The following ZDHHC3 variants were observed in gnomAD, a reference collection of about 807,000 sequenced individuals.
ZDHHC3 encodes the protein zDHHC palmitoyltransferase 3.
A neutral mutation model predicts 30.6 loss-of-function variants in ZDHHC3; 9 were observed. The ratio of observed to expected loss-of-function variants is 0.29; its 90% confidence interval spans 0.18 to 0.51. The LOEUF is 0.51. ZDHHC3 is among the 20% of genes least tolerant of loss of function. The probability of loss-of-function intolerance (pLI) is 0.97; values close to 1 mark genes in which losing one functional copy is unlikely to be tolerated. For synonymous variants in ZDHHC3, 136 were observed against 140.2 expected, an observed-to-expected ratio of 0.97 and a Z score of 0.21; for missense variants, 246 against 384.2, an observed-to-expected ratio of 0.64 and a Z score of 3.01.
chr3:44,935,970 A>G (rs1701927994), intron 3 of ZDHHC3, among the ~76,000 whole-genome samples: 3 of 152,256 alleles, frequency 2.0e-5, no homozygotes, highest in Admixed American at 2.0e-4. Flanking sequence ...CATGACAAAG[A>G]TACCAAAAGC....
At chr3:44,964,402 G>A (rs1023635141) in intron 1 of ZDHHC3, among the ~76,000 whole-genome samples, 19 of 152,194 alleles carry the variant, frequency 1.2e-4, no homozygotes, top group Non-Finnish European at 5.9e-5. Context: ...GTACTAGTGG[G>A]GAAGAGGAGG....
At chr3:44,937,649 C>G (rs1199418366) in intron 3 of ZDHHC3, 2 of 143,178 alleles carry the variant, frequency 1.4e-5, no homozygotes, top group African/African-American at 5.3e-5. Context: ...AATCTGGGTT[C>G]ATCCAACACC....
chr3:44,918,993 C>T lies in ZDHHC3; in HGVS notation c.*7696G>A. The T allele has an allele frequency of 6.1e-6, 6 of 985,536 alleles. No homozygotes were observed. Among genetic ancestry groups the T allele is most frequent in the Non-Finnish European group, 7.2e-6 (6 of 830,008 alleles). The allele number at this position is 985,536 out of a possible 1,614,324, so 61.0% of individuals were successfully genotyped here. On this transcript the variant is annotated 3_prime_UTR_variant, in exon 7 of 7. Transcript: ENST00000424952. ...GCCAAGGGAATTTGCTGTGGGTTTG[C>T]TGGGCTTGGGCACTGCTCCTTCACA...
intron 6 of ZDHHC3, among the ~76,000 whole-genome samples, chr3:44,929,098 G>A (rs917234226): frequency 1.2e-4 from 19 of 152,226 alleles, no homozygotes; most frequent in African/African-American, 4.3e-4. Context: ...CACTCCTGGT[G>A]TGATCTGCTA....
At position 44,918,829 on chromosome 3, in the gene ZDHHC3, C is replaced by A; in HGVS notation, c.*7860G>T. 1 of 987,620 alleles carries A rather than the reference C, an allele frequency of 1.0e-6. No homozygotes were observed. Among genetic ancestry groups the A allele is most frequent in the Non-Finnish European group, 1.2e-6 (1 of 831,470 alleles). The allele number at this position is 987,620 out of a possible 1,614,324, so 61.2% of individuals were successfully genotyped here. A position where few individuals can be genotyped will look rare whatever the true frequency, so the allele number is the denominator to read the frequency against. On this transcript the variant is annotated 3_prime_UTR_variant, in exon 7 of 7. Coordinates refer to ENST00000424952, the MANE Select transcript of ZDHHC3 (RefSeq NM_001135179.2). The stretch of plus-strand genomic sequence containing the variant: ...TGTCGGCTGCAACTCAGCCACCAGG[C>A]CACAGAAAGGGTGTTGGGGTGGGGA...
chr3:44,952,040 A>T (rs1703501729), intron 2 of ZDHHC3, among the ~76,000 whole-genome samples: 1 of 152,138 alleles, frequency 6.6e-6, no homozygotes. Flanking sequence ...TAATGCTCCA[A>T]TCACAAGCTC....
rs1383126769 is a variant in ZDHHC3, at chr3:44,919,280, G to A, written c.*7409C>T. ...ATCAACACCATATGCCTCCTGATAC[G>A]GTGCAACGAGGACACATTGCTTCAG... On this transcript the variant is annotated 3_prime_UTR_variant, in exon 7 of 7. Coordinates refer to ENST00000424952, the MANE Select transcript of ZDHHC3 (RefSeq NM_001135179.2). 5 of 213,122 alleles carry A rather than the reference G, an allele frequency of 2.3e-5. No homozygotes were observed. Among genetic ancestry groups the A allele is most frequent in the Non-Finnish European group, 4.0e-5 (5 of 124,424 alleles). 13.2% of individuals were successfully genotyped at this position (213,122 alleles called of 1,614,324 possible).
At chr3:44,945,372 G>C (rs1385215868) in intron 2 of ZDHHC3, 80 bp from the exon 3 acceptor site, 2 of 1,585,946 alleles carry the variant, frequency 1.3e-6, no homozygotes. Context: ...ATAGTTATTT[G>C]AAAGCAGCAA....
rs530818029 is a variant in ZDHHC3, at chr3:44,922,402, T to C, written c.*4287A>G. ...CCCTTGGTCTAGAGATGGGTTCCAC[T>C]GATGAGATGCACAAGGAGTGGTGGG... On this transcript the variant is annotated 3_prime_UTR_variant, in exon 7 of 7. Transcript: ENST00000424952. The C allele has an allele frequency of 1.0e-6, 1 of 985,428 alleles. No individual in the cohort carries two copies. The highest frequency in any genetic ancestry group is 1.2e-6 in the Non-Finnish European group (1 of 829,924). 61.0% of individuals were successfully genotyped at this position (985,428 alleles called of 1,614,324 possible).
At chr3:44,971,376 T>G (rs1705388798) in intron 1 of ZDHHC3, among the ~76,000 whole-genome samples, 2 of 152,270 alleles carry the variant, frequency 1.3e-5, no homozygotes, top group African/African-American at 2.4e-5. Flanking sequence ...AAGTGGGACA[T>G]GCACCTGGAG....
intron 1 of ZDHHC3, among the ~76,000 whole-genome samples, chr3:44,960,955 C>T (rs192745012): frequency 3.2e-4 from 49 of 152,314 alleles, no homozygotes; most frequent in Admixed American, 5.2e-4. Context: ...AAGGACAGGG[C>T]CACTCCTCCC....
At position 44,923,591 on chromosome 3, in the gene ZDHHC3, C is replaced by A; in HGVS notation, c.*3098G>T. 1.0e-6 allele frequency: 1 copy of A among 971,690 alleles called. No homozygotes were observed. 60.2% of individuals were successfully genotyped at this position (971,690 alleles called of 1,614,324 possible). ...CTAAGGCAGGAAAATTGCTGGAGGC[C>A]GGGCATTTGAGACTAGCTAGGGCAA... On this transcript the variant is annotated 3_prime_UTR_variant, in exon 7 of 7. Coordinates refer to ENST00000424952, the MANE Select transcript of ZDHHC3 (RefSeq NM_001135179.2).
In ZDHHC3 at chr3:44,918,422, T is replaced by G; in HGVS notation, c.*8267A>C. 1 of 985,288 alleles carries G rather than the reference T, an allele frequency of 1.0e-6. No homozygotes were observed. Among genetic ancestry groups the G allele is most frequent in the Non-Finnish European group, 1.2e-6 (1 of 829,900 alleles). 61.0% of individuals were successfully genotyped at this position (985,288 alleles called of 1,614,324 possible). On this transcript the variant is annotated 3_prime_UTR_variant, in exon 7 of 7. Coordinates refer to ENST00000424952, the MANE Select transcript of ZDHHC3 (RefSeq NM_001135179.2). ...GTGTTCTCCACCCACCACCCAGCCC[T>G]CCCCTTCTTTCCTTCCACAAGTGCA...
In ZDHHC3 at chr3:44,921,122, T is replaced by G; in HGVS notation, c.*5567A>C. 1 of 985,416 alleles carries G rather than the reference T, an allele frequency of 1.0e-6. No homozygotes were observed. Among genetic ancestry groups the G allele is most frequent in the Non-Finnish European group, 1.2e-6 (1 of 829,928 alleles). The allele number at this position is 985,416 out of a possible 1,614,324, so 61.0% of individuals were successfully genotyped here. A position where few individuals can be genotyped will look rare whatever the true frequency, so the allele number is the denominator to read the frequency against. ...CGACACCAGAAGCTCTTGCAGGGTG[T>G]GTGATGGGCCTTTTGGCCCAGGTCA... On this transcript the variant is annotated 3_prime_UTR_variant, in exon 7 of 7. Coordinates refer to ENST00000424952, the MANE Select transcript of ZDHHC3 (RefSeq NM_001135179.2).
At chr3:44,958,322 G>A (rs1704135212) in intron 2 of ZDHHC3, among the ~76,000 whole-genome samples, 1 of 152,146 alleles carries the variant, frequency 6.6e-6, no homozygotes, top group African/African-American at 2.4e-5. Flanking sequence ...TTTCCCTGGG[G>A]CTCACAGAAA....
Position 44,925,667 on chromosome 3 carries a change from C to A in ZDHHC3, c.*1022G>T. 1.0e-6 allele frequency: 1 copy of A among 985,400 alleles called. No homozygotes were observed. Among genetic ancestry groups the A allele is most frequent in the Non-Finnish European group, 1.2e-6 (1 of 829,934 alleles). The allele number at this position is 985,400 out of a possible 1,614,324, so 61.0% of individuals were successfully genotyped here. A position where few individuals can be genotyped will look rare whatever the true frequency, so the allele number is the denominator to read the frequency against. ...CATCTCCATGCCAGGACAACAGTCT[C>A]CCAGGTTAAAATATAGATAAGACAC... On this transcript the variant is annotated 3_prime_UTR_variant, in exon 7 of 7. Coordinates refer to ENST00000424952, the MANE Select transcript of ZDHHC3 (RefSeq NM_001135179.2).
intron 2 of ZDHHC3, chr3:44,958,753 A>G (rs2125907394): frequency 2.3e-6 from 3 of 1,308,854 alleles, no homozygotes; most frequent in East Asian, 5.0e-5. Context: ...GGGAAGCCCA[A>G]TCCTGACCCA....
chr3:44,944,308 G>A (rs924673893), intron 3 of ZDHHC3, among the ~76,000 whole-genome samples: 4 of 152,068 alleles, frequency 2.6e-5, no homozygotes, highest in African/African-American at 4.8e-5. Context: ...CACCACGCCC[G>A]GCTAATTTTG....
At chr3:44,937,540 T>C in intron 3 of ZDHHC3, 1 of 129,338 alleles carries the variant, frequency 7.7e-6, no homozygotes. Flanking sequence ...ATCCTGTCTC[T>C]AAAAATAAGT....
Sources: allele counts gnomAD v4.1 joint callset (sites outside exome capture counted in the v4.1 genomes callset), GRCh38; gene constraint gnomAD v4.1.1; transcripts MANE v1.5; gene names NCBI Gene and HGNC (gene_info 2026-07-23, HGNC 2026-07-21).